PRKG1: variants seen among roughly 807,000 people sequenced by gnomAD.
PRKG1 encodes the protein cGMP-dependent protein kinase 1.
PRKG1 carries 35 observed loss-of-function variants against 88.1 expected under a neutral mutation model. The observed-to-expected ratio is 0.40, with a 90% CI of 0.30 to 0.53. PRKG1 has a LOEUF of 0.53. Among genes scored for constraint, PRKG1 ranks in the 20% least tolerant of loss-of-function variants. The pLI, the probability that PRKG1 is intolerant of heterozygous loss-of-function variation, is 0.59. For synonymous variants in PRKG1, 303 were observed against 292.5 expected (o/e 1.04, Z -0.37); for missense variants, 540 against 839.8 (o/e 0.64, Z 4.41).
chr10:51,509,803 T>G (rs892373097), intron 3 of PRKG1, among the ~76,000 whole-genome samples: 2 of 152,188 alleles, frequency 1.3e-5, no homozygotes, highest in African/African-American at 4.8e-5. Flanking sequence ...CAGGTGCACA[T>G]GACTGAACAA....
rs534814996 is a variant in PRKG1 at position 51,851,920 on chromosome 10, TA to T, written c.698+47233del. Among the ~76,000 whole-genome samples, 97 of 152,140 alleles carry T rather than the reference TA, an allele frequency of 6.4e-4. 1 individual carries two copies. Among genetic ancestry groups the T allele is most frequent in the Admixed American group, 5.9e-3 (90 of 15,270 alleles). ...CTGCAGGCTTTTGTGGCCTTAGCAG[TA>T]AAGACTGCCATGATAAATTAGTGAT... On this transcript the variant is annotated intron_variant, in intron 4 of 17. Transcript: ENST00000373980.
chr10:52,066,222 A>G (rs1846351245), intron 7 of PRKG1, among the ~76,000 whole-genome samples: 2 of 151,960 alleles, frequency 1.3e-5, no homozygotes, highest in African/African-American at 2.4e-5. Flanking sequence ...TCTTTCTTTA[A>G]ATTCTCCACC....
intron 2 of PRKG1, among the ~76,000 whole-genome samples, chr10:51,392,692 T>A (rs1376420651): frequency 2.0e-5 from 3 of 151,214 alleles, no homozygotes; most frequent in South Asian, 2.1e-4. Flanking sequence ...GGCTCCTCAC[T>A]TCCCAGTAGG....
At chr10:52,218,348 C>T (rs933913674) in intron 9 of PRKG1, among the ~76,000 whole-genome samples, 8 of 151,650 alleles carry the variant, frequency 5.3e-5, no homozygotes, top group Admixed American at 3.3e-4. Context: ...ATTGAGGTAG[C>T]AAGCACAAGG....
intron 1 of PRKG1, among the ~76,000 whole-genome samples, chr10:51,052,081 A>G (rs553542626): frequency 6.6e-6 from 1 of 152,298 alleles, no homozygotes; most frequent in South Asian, 2.1e-4. Context: ...ACGCATATGA[A>G]TTTTATAGTA....
intron 7 of PRKG1, among the ~76,000 whole-genome samples, chr10:52,118,385 G>A (rs1220887582): frequency 6.6e-6 from 1 of 151,820 alleles, no homozygotes; most frequent in African/African-American, 2.4e-5. Context: ...AATACTTAAG[G>A]AAACTTTTAA....
At chr10:52,220,542 C>T (rs1157043278) in intron 9 of PRKG1, among the ~76,000 whole-genome samples, 2 of 151,944 alleles carry the variant, frequency 1.3e-5, no homozygotes, top group Admixed American at 1.3e-4. Flanking sequence ...CCCATTAGTT[C>T]TTTTTCCTGA....
intron 10 of PRKG1, among the ~76,000 whole-genome samples, chr10:52,257,344 G>A (rs1357903466): frequency 1.4e-5 from 2 of 139,000 alleles, no homozygotes; most frequent in African/African-American, 5.0e-5. Context: ...AAAAAAAATA[G>A]AAACTAAGAG....
At chr10:51,590,042 C>T (rs1187825704) in intron 3 of PRKG1, among the ~76,000 whole-genome samples, 1 of 152,134 alleles carries the variant, frequency 6.6e-6, no homozygotes, top group Non-Finnish European at 1.5e-5. Context: ...GATAAATTCA[C>T]AAGGTCATTA....
intron 3 of PRKG1, among the ~76,000 whole-genome samples, chr10:51,605,193 T>G (rs189393449): frequency 3.8e-4 from 58 of 152,310 alleles, no homozygotes; most frequent in African/African-American, 1.2e-3. Flanking sequence ...AACATCCAGC[T>G]GCTTGTGTCT....
At chr10:51,644,911 C>T (rs568850073) in intron 3 of PRKG1, among the ~76,000 whole-genome samples, 7 of 152,220 alleles carry the variant, frequency 4.6e-5, no homozygotes, top group Admixed American at 4.6e-4. Context: ...CCTCAGCCTC[C>T]AGAGTAGGTG....
At chr10:51,740,064 A>G (rs983705673) in intron 3 of PRKG1, among the ~76,000 whole-genome samples, 1 of 152,140 alleles carries the variant, frequency 6.6e-6, no homozygotes, top group Non-Finnish European at 1.5e-5. Flanking sequence ...GTTTCACTCA[A>G]TCGCCCAGGC....
chr10:51,226,411 A>C (rs1290541250), intron 2 of PRKG1, among the ~76,000 whole-genome samples: 1 of 152,142 alleles, frequency 6.6e-6, no homozygotes, highest in Non-Finnish European at 1.5e-5. Context: ...GATGTTGTGT[A>C]TCTGGTTTTT....
rs184536316 is a variant in PRKG1, at chr10:51,775,930, T to C, written c.593-28655T>C. On this transcript the variant is annotated intron_variant, in intron 3 of 17. Transcript: ENST00000373980. ...TGCTGTCTTTCCTTCATGGTTACCC[T>C]TTATATTATTTTCTCACGTTCTGTT... Among the ~76,000 whole-genome samples the C allele has an allele frequency of 2.4e-4, 37 of 152,160 alleles. 2 individuals carry two copies. The highest frequency in any genetic ancestry group is 2.4e-3 in the Admixed American group (37 of 15,264).
intron 2 of PRKG1, among the ~76,000 whole-genome samples, chr10:51,386,398 G>T (rs1442560837): frequency 6.6e-6 from 1 of 152,144 alleles, no homozygotes; most frequent in Non-Finnish European, 1.5e-5. Flanking sequence ...TAGTGATGGT[G>T]TAATTGAGTC....
Position 52,280,794 on chromosome 10 carries a change from C to T in PRKG1, c.1409C>T (p.Ser470Leu), listed in dbSNP as rs267602521. The T allele has an allele frequency of 3.1e-6, 5 of 1,612,428 alleles. No individual in the cohort carries two copies. Among genetic ancestry groups the T allele is most frequent in the East Asian group, 2.2e-5 (1 of 44,840 alleles). ...ELWTILRDRG[S>L]FEDSTTRFYT... ...ATTCCATTTCTGCACCTCAGAGGTTCGTTTGAAGATTCTACAACCAGATTT... is the reference window on the plus strand; with the variant it reads ...ATTCCATTTCTGCACCTCAGAGGTTTGTTTGAAGATTCTACAACCAGATTT... Residue 470 changes from serine (S) to leucine (L), a missense_variant, in exon 13 of 18, where the codon TCG becomes TTG. Transcript: ENST00000373980.
chr10:51,550,088 C>T (rs868296067), intron 3 of PRKG1, among the ~76,000 whole-genome samples: 1 of 152,092 alleles, frequency 6.6e-6, no homozygotes, highest in Non-Finnish European at 1.5e-5. Context: ...TCATCAAATG[C>T]ACACGAATAC....
intron 2 of PRKG1, among the ~76,000 whole-genome samples, chr10:51,362,374 T>C (rs961453471): frequency 1.3e-4 from 19 of 151,876 alleles, no homozygotes; most frequent in Admixed American, 4.6e-4. Flanking sequence ...ATATGCATCA[T>C]GGCTTCTTTT....
chr10:51,138,551 TC>T (rs1420145794), intron 1 of PRKG1, among the ~76,000 whole-genome samples: 1 of 152,180 alleles, frequency 6.6e-6, no homozygotes, highest in East Asian at 1.9e-4. Context: ...CAAGTATATT[TC>T]CTCAATATTA....
Sources: gnomAD v4.1 joint callset for allele counts (sites outside exome capture counted in the v4.1 genomes callset) on GRCh38, gnomAD v4.1.1 for gene constraint, MANE v1.5 for transcripts, NCBI Gene and HGNC (gene_info 2026-07-23, HGNC 2026-07-21) for gene names.